The following ATXN1 variants were observed in gnomAD, a reference collection of about 807,000 sequenced individuals.
The protein encoded by ATXN1 is ataxin 1.
A neutral mutation model predicts 56.4 loss-of-function variants in ATXN1; 8 were observed. The observed-to-expected ratio is 0.14, with a 90% CI of 0.08 to 0.26. The LOEUF (loss-of-function observed/expected upper bound fraction) is 0.26, where lower values mean the gene tolerates loss of function less well. Among genes scored for constraint, ATXN1 ranks in the 10% least tolerant of loss-of-function variants. ATXN1 has a pLI of 1.00. For missense variants in ATXN1, 987 were observed against 1,106.5 expected (o/e 0.89, Z 1.53); for synonymous variants, 514 against 494.6 (o/e 1.04, Z -0.52).
intron 6 of ATXN1, among the ~76,000 whole-genome samples, chr6:16,365,343 A>G (rs1340505429): frequency 2.6e-5 from 4 of 152,076 alleles, no homozygotes; most frequent in African/African-American, 7.2e-5. Flanking sequence ...CGCCTGCCTA[A>G]CTTTTTGTAT....
rs748241978 is a variant in ATXN1, at chr6:16,328,300, T to C, written c.11A>G (p.Asn4Ser). Reference protein sequence around the residue: MKSNQERSNECLPP... With the variant: MKSSQERSNECLPP... ...CAGGCATTCGTTGCTCCGCTCTTGG[T>C]TGGATTTCATTTTTCGCCGTCCCCC... The change falls in exon 7 of 8, where the codon AAC becomes AGC. Residue 4 changes from asparagine (N) to serine (S), a missense_variant. Around this residue, in one of 3 missense-constraint regions of ATXN1, gnomAD observed 723 missense variants for 791.7 expected, o/e 0.91. Transcript: ENST00000436367. This position sits in a 1 kb window ranked among gnomAD's most constrained non-coding sequence, Gnocchi z 6.2. 5 of 1,504,430 alleles carry C rather than the reference T, an allele frequency of 3.3e-6. No individual in the cohort carries two copies. Among genetic ancestry groups the C allele is most frequent in the Non-Finnish European group, 4.4e-6 (5 of 1,131,502 alleles). The allele number at this position is 1,504,430 out of a possible 1,614,324, so 93.2% of individuals were successfully genotyped here.
At chr6:16,595,606 G>T (rs532289830) in intron 3 of ATXN1, among the ~76,000 whole-genome samples, 1 of 152,216 alleles carries the variant, frequency 6.6e-6, no homozygotes, top group Admixed American at 6.5e-5. Context: ...CAGTCAGTGT[G>T]TTCTTTCTCC....
At chr6:16,677,950 AT>A (rs1206856447) in intron 2 of ATXN1, among the ~76,000 whole-genome samples, 1 of 152,168 alleles carries the variant, frequency 6.6e-6, no homozygotes, top group East Asian at 1.9e-4. Flanking sequence ...CTCGAATGAG[AT>A]TTTTTTCTTG....
rs115020492 is a variant in ATXN1, at chr6:16,520,814, A to G, written c.-299+1813T>C. 1.9e-3 allele frequency among the ~76,000 whole-genome samples: 293 copies of G among 152,334 alleles called. 1 individual carries two copies. Among genetic ancestry groups the G allele is most frequent in the Non-Finnish European group, 3.0e-3 (204 of 68,036 alleles). ...CCAGCTCTGTGGACAGGAGCGATCA[A>G]TGTTAGGGTAACTCAGCAGATGATC... On this transcript the variant is annotated intron_variant, in intron 5 of 7. Transcript: ENST00000436367.
Position 16,327,179 on chromosome 6 carries a change from C to A in ATXN1, c.1132G>T (p.Val378Phe), listed in dbSNP as rs1331949862. 1.2e-6 allele frequency: 2 copies of A among 1,613,768 alleles called. No individual in the cohort carries two copies. The highest frequency in any genetic ancestry group is 1.7e-6 in the Non-Finnish European group (2 of 1,180,034). Reference sequence around the variant, plus strand: ...GGCAGGACCATCACAGAGGCCCGGACCCCCGAAGGATCACGACTGCTGTAG... The same window carrying A: ...GGCAGGACCATCACAGAGGCCCGGAACCCCGAAGGATCACGACTGCTGTAG... ...SDYSSRDPSG[V>F]RASVMVLPNS... Residue 378 changes from valine to phenylalanine, a missense_variant, in exon 7 of 8, where the codon GTC (valine) becomes TTC (phenylalanine). Val to Phe is a conservative substitution (Grantham distance 50). Coordinates refer to ENST00000436367, the MANE Select transcript of ATXN1 (RefSeq NM_001128164.2).
At chr6:16,726,116 C>T (rs1759843172) in intron 2 of ATXN1, among the ~76,000 whole-genome samples, 2 of 152,206 alleles carry the variant, frequency 1.3e-5, no homozygotes, top group Admixed American at 6.5e-5. Context: ...CACAGTGGCT[C>T]ATGCCTGTAA....
intron 4 of ATXN1, among the ~76,000 whole-genome samples, chr6:16,538,304 A>C (rs1401703897): frequency 1.3e-5 from 2 of 152,218 alleles, no homozygotes; most frequent in Non-Finnish European, 2.9e-5. Flanking sequence ...TGTGAGGATT[A>C]AAGGGTTAAT....
intron 2 of ATXN1, among the ~76,000 whole-genome samples, chr6:16,725,679 A>G (rs112516254): frequency 6.6e-6 from 1 of 152,214 alleles, no homozygotes; most frequent in Non-Finnish European, 1.5e-5. Context: ...AGCTACTCCC[A>G]CATTCTCACA....
chr6:16,424,084 G>A (rs1244455432), intron 6 of ATXN1, among the ~76,000 whole-genome samples: 2 of 152,200 alleles, frequency 1.3e-5, no homozygotes, highest in Non-Finnish European at 1.5e-5. Context: ...GGAAGAACAG[G>A]TGTGAAAAGA....
At chr6:16,540,422 G>C (rs944347655) in intron 4 of ATXN1, among the ~76,000 whole-genome samples, 11 of 152,102 alleles carry the variant, frequency 7.2e-5, no homozygotes, top group African/African-American at 1.4e-4. Flanking sequence ...ATGTTGGCCA[G>C]GATGGTCTCG....
Position 16,326,338 on chromosome 6 carries a change from T to C in ATXN1, c.1917+56A>G. ...AGAAGCAATTCGTCTTGCCAGGAGA[T>C]GATGATGGCATCACGGTGTGGTGTC... On this transcript the variant is annotated intron_variant, in intron 7 of 7. Coordinates refer to ENST00000436367, the MANE Select transcript of ATXN1 (RefSeq NM_001128164.2). This position sits in a 1 kb window ranked among gnomAD's most constrained non-coding sequence, Gnocchi z 6.6. The C allele has an allele frequency of 6.3e-7, 1 of 1,594,176 alleles. No individual in the cohort carries two copies. The highest frequency in any genetic ancestry group is 1.1e-5 in the South Asian group (1 of 89,994).
chr6:16,503,594 A>G (rs1359959398), intron 5 of ATXN1, among the ~76,000 whole-genome samples: 1 of 152,210 alleles, frequency 6.6e-6, no homozygotes, highest in African/African-American at 2.4e-5. Flanking sequence ...TATTGTTCAT[A>G]TGGCTTTCAC....
intron 6 of ATXN1, among the ~76,000 whole-genome samples, chr6:16,480,342 T>A (rs1760412960): frequency 1.3e-5 from 2 of 152,138 alleles, no homozygotes; most frequent in South Asian, 4.1e-4. Context: ...AAAATACTAT[T>A]CCTAGTCTCT....
chr6:16,494,983 A>G (rs2113667210), intron 5 of ATXN1, among the ~76,000 whole-genome samples: 1 of 152,286 alleles, frequency 6.6e-6, no homozygotes, highest in South Asian at 2.1e-4. Context: ...GTCATCACGC[A>G]CCTTCTGCCC....
intron 5 of ATXN1, among the ~76,000 whole-genome samples, chr6:16,502,006 T>C (rs1450011540): frequency 2.6e-5 from 4 of 152,188 alleles, no homozygotes; most frequent in African/African-American, 4.8e-5. Flanking sequence ...AAGAATTCTA[T>C]ACAATAGATT....
At chr6:16,720,450 GCAGAAAAGACATTCAATAAATA>G (rs1561821693) in intron 2 of ATXN1, among the ~76,000 whole-genome samples, 1 of 152,124 alleles carries the variant, frequency 6.6e-6, no homozygotes, top group Non-Finnish European at 1.5e-5. Context: ...CATGTCTGGT[GCAGAAAAGACATTCAATAAATA>G]CTTGGTTGTA....
Position 16,327,702 on chromosome 6 carries a change from C to CTGCTGCTGCTGATGCTGA in ATXN1, c.608_609insTCAGCATCAGCAGCAGCA (p.Gln202_Gln203insHisGlnHisGlnGlnGln), listed in dbSNP as rs1561853147. The stretch of plus-strand genomic sequence containing the variant: ...GATGCTGATGCTGCTGCTGCTGCTG[C>CTGCTGCTGCTGATGCTGA]TGCTGCTGCTGCTGCTGCTGCTCAG... On this transcript the variant is annotated inframe_insertion, in exon 7 of 8. Coordinates refer to ENST00000436367, the MANE Select transcript of ATXN1 (RefSeq NM_001128164.2). 1.3e-5 allele frequency: 20 copies of CTGCTGCTGCTGATGCTGA among 1,599,716 alleles called. No homozygotes were observed. The highest frequency in any genetic ancestry group is 1.4e-5 in the Non-Finnish European group (17 of 1,176,858).
intron 6 of ATXN1, among the ~76,000 whole-genome samples, chr6:16,454,716 A>T (rs1759830896): frequency 6.6e-6 from 1 of 152,246 alleles, no homozygotes; most frequent in Non-Finnish European, 1.5e-5. Flanking sequence ...AGGTCAAAAC[A>T]ACCTTTGTAG....
chr6:16,340,545 G>A (rs7749925), intron 6 of ATXN1, among the ~76,000 whole-genome samples: 2 of 152,040 alleles, frequency 1.3e-5, no homozygotes, highest in Non-Finnish European at 2.9e-5. Flanking sequence ...CCTGTAATAA[G>A]TATGAGTAGA....
Sources: allele counts gnomAD v4.1 joint callset (sites outside exome capture counted in the v4.1 genomes callset), GRCh38; gene constraint gnomAD v4.1.1; regional missense constraint gnomAD v4.1.1; non-coding constraint Gnocchi (gnomAD v3.1); transcripts MANE v1.5; gene names NCBI Gene and HGNC (gene_info 2026-07-23, HGNC 2026-07-21).